Variants in SPEF2 observed in about 807,000 individuals in gnomAD.
SPEF2 encodes the protein sperm flagella and cilia-associated protein 2.
A neutral mutation model predicts 224.6 loss-of-function variants in SPEF2; 187 were observed. That is an observed-to-expected ratio of 0.83 (90% CI 0.74 to 0.94). SPEF2 has a LOEUF of 0.94. Ranked by LOEUF, SPEF2 falls within the 40% of genes least tolerant of loss-of-function variation. The pLI is 0.00. For synonymous variants in SPEF2, 715 were observed against 707.3 expected, an observed-to-expected ratio of 1.01 and a Z score of -0.17; for missense variants, 2,170 against 2,135.6, an observed-to-expected ratio of 1.02 and a Z score of -0.32.
chr5:35,622,205 A>C (rs1743616835), intron 1 of SPEF2, among the ~76,000 whole-genome samples: 1 of 151,978 alleles, frequency 6.6e-6, no homozygotes, highest in South Asian at 2.1e-4. Flanking sequence ...TTTTATATTA[A>C]ATCTTAGTAG....
chr5:35,759,621 G>C lies in SPEF2; in HGVS notation c.3522G>C (p.Trp1174Cys). 1 of 1,611,576 alleles carries C rather than the reference G, an allele frequency of 6.2e-7. No homozygotes were observed. The highest frequency in any genetic ancestry group is 8.5e-7 in the Non-Finnish European group (1 of 1,178,288). The stretch of plus-strand genomic sequence containing the variant: ...AGAGACTCCTTCAAGATTATTACTG[G>C]GGAATGGAAAGTAAAATCCCAGTAG... Reference protein sequence around the residue: ...DTKRLLQDYYWGMESKIPVED... With the variant: ...DTKRLLQDYYCGMESKIPVED... The change falls in exon 25 of 37, where the codon TGG becomes TGC. Residue 1174 changes from tryptophan to cysteine, a missense_variant. Transcript: ENST00000356031.
At chr5:35,716,505 C>T (rs201575029) in intron 20 of SPEF2, among the ~76,000 whole-genome samples, 7 of 152,172 alleles carry the variant, frequency 4.6e-5, no homozygotes, top group East Asian at 1.9e-4. Flanking sequence ...TAAAAGCATA[C>T]GGACTCCAAA....
In SPEF2 at chr5:35,695,795, A is replaced by G; in HGVS notation, c.2036A>G (p.Lys679Arg). Reference protein sequence around the residue: ...EEVKSSDSFLKLTTRAQLGAK... With the variant: ...EEVKSSDSFLRLTTRAQLGAK... ...GTCAAATCAAGTGATAGTTTCTTAA[A>G]AGTAAGTATTATGATCTAATTTTAG... The change falls in exon 14 of 37, where the codon AAA becomes AGA. Residue 679 changes from lysine (K) to arginine (R), a missense_variant and splice_region_variant. Coordinates refer to ENST00000356031, the MANE Select transcript of SPEF2 (RefSeq NM_024867.4). The G allele has an allele frequency of 1.2e-6, 2 of 1,603,576 alleles. No individual in the cohort carries two copies. The highest frequency in any genetic ancestry group is 1.7e-6 in the Non-Finnish European group (2 of 1,173,636).
At chr5:35,785,637 C>T (rs1019604548) in intron 30 of SPEF2, among the ~76,000 whole-genome samples, 11 of 135,652 alleles carry the variant, frequency 8.1e-5, no homozygotes, top group Admixed American at 2.8e-4. Context: ...CTCAGCACAA[C>T]CCCCCCCCAC....
At chr5:35,658,980 G>T in intron 7 of SPEF2, 39 bp from the exon 8 acceptor site, 2 of 1,455,102 alleles carry the variant, frequency 1.4e-6, no homozygotes, top group South Asian at 1.5e-5. Flanking sequence ...CGGGAAATTT[G>T]GACGTCACTT....
chr5:35,727,802 T>C lies in SPEF2; in HGVS notation c.3042T>C (p.Tyr1014=), dbSNP rs1744923176. 6 of 1,613,472 alleles carry C rather than the reference T, an allele frequency of 3.7e-6. No homozygotes were observed. The highest frequency in any genetic ancestry group is 1.7e-5 in the Admixed American group (1 of 59,922). Residue 1014 remains tyrosine (Y), a synonymous_variant, in exon 21 of 37, where the codon TAT becomes TAC. Coordinates refer to ENST00000356031, the MANE Select transcript of SPEF2 (RefSeq NM_024867.4). ...AGCCAGGATCAGAAGAATGGGTCTA[T>C]GTGAATGAACCAGTTCCTGAGGTAT... ...PPKPGSEEWV[Y]VNEPVPEEMP...
At chr5:35,782,117 AC>A (rs2149806205) in intron 30 of SPEF2, among the ~76,000 whole-genome samples, 1 of 152,296 alleles carries the variant, frequency 6.6e-6, no homozygotes, top group African/African-American at 2.4e-5. Context: ...CATGACACAC[AC>A]CCATCCGTCT....
At chr5:35,677,105 T>C (rs1008347547) in intron 10 of SPEF2, among the ~76,000 whole-genome samples, 4 of 152,180 alleles carry the variant, frequency 2.6e-5, no homozygotes, top group Non-Finnish European at 5.9e-5. Context: ...GGAAAAATAC[T>C]GTGTGAATTT....
chr5:35,796,609 C>CA (rs11411191), intron 33 of SPEF2, among the ~76,000 whole-genome samples: 136,103 of 144,280 alleles, frequency 0.94, 64,181 homozygotes, highest in East Asian at 0.99. Flanking sequence ...GAGACTGTCT[C>CA]AAAAAAAAAA....
chr5:35,796,100 CTCTAAGCTTCCTTCCAAT>C (rs1756623240), intron 33 of SPEF2, among the ~76,000 whole-genome samples: 1 of 152,188 alleles, frequency 6.6e-6, no homozygotes, highest in African/African-American at 2.4e-5. Flanking sequence ...ACACATTTGT[CTCTAAGCTTCCTTCCAAT>C]TCTAAAAGCT....
intron 3 of SPEF2, chr5:35,643,597 C>G: frequency 2.2e-6 from 1 of 453,318 alleles, no homozygotes; most frequent in Non-Finnish European, 4.4e-6. Context: ...CCTCTGGGGA[C>G]GGAAAGAGGA....
intron 20 of SPEF2, among the ~76,000 whole-genome samples, chr5:35,726,739 T>C (rs1325606016): frequency 1.3e-5 from 2 of 152,156 alleles, no homozygotes. Flanking sequence ...ATCTAAAAAT[T>C]TCAATAATTA....
intron 23 of SPEF2, among the ~76,000 whole-genome samples, chr5:35,751,042 T>TAC (rs758436058): frequency 3.2e-5 from 1 of 31,386 alleles, no homozygotes; most frequent in African/African-American, 8.6e-5. Context: ...TATACACATA[T>TAC]GTATATATAT....
In SPEF2 at chr5:35,697,670, T is replaced by C. The variant is rs1007148109; in HGVS notation, c.2038-20T>C. 1.3e-6 allele frequency: 2 copies of C among 1,589,034 alleles called. No homozygotes were observed. The highest frequency in any genetic ancestry group is 2.7e-5 in the African/African-American group (2 of 73,980). ...CTTTTAAATTAGCCATCTTCTGTCA[T>C]TTCTTGTTTATTTTCCCAGCTCACT... On this transcript the variant is annotated intron_variant, in intron 14 of 36. Coordinates refer to ENST00000356031, the MANE Select transcript of SPEF2 (RefSeq NM_024867.4).
At chr5:35,780,619 G>A (rs1317469501) in intron 30 of SPEF2, among the ~76,000 whole-genome samples, 3 of 152,128 alleles carry the variant, frequency 2.0e-5, no homozygotes, top group Non-Finnish European at 2.9e-5. Flanking sequence ...TCTACATGGT[G>A]CGAGCTCCAC....
At chr5:35,702,074 A>G in intron 16 of SPEF2, 1 of 425,236 alleles carries the variant, frequency 2.4e-6, no homozygotes, top group Non-Finnish European at 4.7e-6. Flanking sequence ...GAGAAGAAGA[A>G]AGCCTGGGAG....
Position 35,654,620 on chromosome 5 carries a change from A to G in SPEF2, c.872A>G (p.Lys291Arg). 6.2e-7 allele frequency: 1 copy of G among 1,613,970 alleles called. No individual in the cohort carries two copies. Among genetic ancestry groups the G allele is most frequent in the Non-Finnish European group, 8.5e-7 (1 of 1,179,976 alleles). ...LNTYSDDEYI[K>R]KIQKRLEEDA... ...ACTTACTCAGATGACGAGTACATTA[A>G]AAAAATCCAGAAGCGCCTTGAAGAA... Residue 291 changes from lysine (K) to arginine (R), a missense_variant, in exon 7 of 37, where the codon AAA becomes AGA. Coordinates refer to ENST00000356031, the MANE Select transcript of SPEF2 (RefSeq NM_024867.4).
chr5:35,723,612 A>G (rs908929545), intron 20 of SPEF2, among the ~76,000 whole-genome samples: 5 of 152,228 alleles, frequency 3.3e-5, no homozygotes, highest in African/African-American at 1.2e-4. Context: ...AAACATGTTT[A>G]TAATAATGCT....
At position 35,779,285 on chromosome 5, in the gene SPEF2, T is replaced by C. The variant is rs1178480185; in HGVS notation, c.4386T>C (p.Gly1462=). The C allele has an allele frequency of 1.2e-6, 2 of 1,613,792 alleles. No individual in the cohort carries two copies. Among genetic ancestry groups the C allele is most frequent in the East Asian group, 2.2e-5 (1 of 44,880 alleles). Reference sequence around the variant, plus strand: ...CACCTGTAGAAAAGGAAGAAGATGGTACCCTGACCATTGAACAGCTTGACA... The same window carrying C: ...CACCTGTAGAAAAGGAAGAAGATGGCACCCTGACCATTGAACAGCTTGACA... ...RPPPVEKEED[G]TLTIEQLDSL... Residue 1462 remains glycine, a synonymous_variant, in exon 30 of 37, where the codon GGT becomes GGC. Coordinates refer to ENST00000356031, the MANE Select transcript of SPEF2 (RefSeq NM_024867.4).
Sources: gnomAD v4.1 joint callset for allele counts (sites outside exome capture counted in the v4.1 genomes callset) on GRCh38, gnomAD v4.1.1 for gene constraint, MANE v1.5 for transcripts, NCBI Gene and HGNC (gene_info 2026-07-23, HGNC 2026-07-21) for gene names.